Variants in EYA2 observed in about 807,000 individuals in gnomAD.
EYA2 encodes EYA transcriptional coactivator and phosphatase 2, also known as protein phosphatase EYA2.
In EYA2, 31 loss-of-function variants were observed where a neutral mutation model predicts 69.2. That is an observed-to-expected ratio of 0.45 (90% confidence interval 0.34 to 0.60). The LOEUF (loss-of-function observed/expected upper bound fraction) is 0.60. Among genes scored for constraint, EYA2 ranks in the 20% least tolerant of loss-of-function variants. EYA2 has a pLI of 0.02. For missense variants in EYA2, 622 were observed against 701.2 expected, an observed-to-expected ratio of 0.89 and a Z score of 1.28; for synonymous variants, 257 against 279.4, an observed-to-expected ratio of 0.92 and a Z score of 0.80.
chr20:47,058,182 C>T (rs1474439985), intron 5 of EYA2, among the ~76,000 whole-genome samples: 2 of 152,204 alleles, frequency 1.3e-5, no homozygotes, highest in South Asian at 2.1e-4. Flanking sequence ...CAGAAGACAA[C>T]AAGCCCAAGG....
At chr20:46,930,569 G>C (rs1421144269) in intron 1 of EYA2, among the ~76,000 whole-genome samples, 1 of 152,104 alleles carries the variant, frequency 6.6e-6, no homozygotes, top group Admixed American at 6.6e-5. Flanking sequence ...GCTATAGAAA[G>C]CACCAGAAGA....
chr20:46,956,724 G>C (rs1979146954), intron 1 of EYA2, among the ~76,000 whole-genome samples: 1 of 152,168 alleles, frequency 6.6e-6, no homozygotes, highest in Non-Finnish European at 1.5e-5. Context: ...TGGATTTGGT[G>C]GGCACATAAG....
chr20:47,059,926 A>G (rs929214674), intron 5 of EYA2, among the ~76,000 whole-genome samples: 4 of 152,334 alleles, frequency 2.6e-5, no homozygotes, highest in Middle Eastern at 6.8e-3. Flanking sequence ...GTCTTCCTAG[A>G]GCAGAGATCA....
chr20:47,123,055 C>T (rs1178151623), intron 9 of EYA2, among the ~76,000 whole-genome samples: 1 of 152,188 alleles, frequency 6.6e-6, no homozygotes, highest in African/African-American at 2.4e-5. Context: ...CAATAATACT[C>T]ACCTTATAGG....
At chr20:47,052,001 G>T (rs1195347503) in intron 5 of EYA2, among the ~76,000 whole-genome samples, 2 of 152,076 alleles carry the variant, frequency 1.3e-5, no homozygotes, top group Non-Finnish European at 2.9e-5. Flanking sequence ...AACGTTTGTT[G>T]TGTGCCAGGT....
rs78321870 is a variant in EYA2 at position 47,028,203 on chromosome 20, C to T, written c.415+11906C>T. Reference sequence around the variant, plus strand: ...ATGCAAGCCAGGAAGAAGACCTTCACCAGGAATCCAACCAGCTGGCACGTT... The same window carrying T: ...ATGCAAGCCAGGAAGAAGACCTTCATCAGGAATCCAACCAGCTGGCACGTT... On this transcript the variant is annotated intron_variant, in intron 5 of 15. Transcript: ENST00000327619. 1.7e-3 allele frequency among the ~76,000 whole-genome samples: 262 copies of T among 152,316 alleles called. 2 individuals carry two copies. Among genetic ancestry groups the T allele is most frequent in the African/African-American group, 6.1e-3 (252 of 41,564 alleles).
chr20:46,955,188 G>T (rs1372625992), intron 1 of EYA2, among the ~76,000 whole-genome samples: 1 of 150,008 alleles, frequency 6.7e-6, no homozygotes, highest in Non-Finnish European at 1.5e-5. Flanking sequence ...CCAGGCTGGA[G>T]TGCAATGGCG....
chr20:47,090,720 A>G lies in EYA2; in HGVS notation c.804+1339A>G, dbSNP rs1600702026. ...ATTTAACAAAAATCCCTAATACAAT[A>G]TAACTTTGTTAACTCTAATTCTTGT... On this transcript the variant is annotated intron_variant, in intron 8 of 15. Coordinates refer to ENST00000327619, the MANE Select transcript of EYA2 (RefSeq NM_005244.5). 2.0e-5 allele frequency among the ~76,000 whole-genome samples: 3 copies of G among 152,208 alleles called. No homozygotes were observed. The East Asian group carries it at 5.8e-4, about 29-fold the overall frequency.
At chr20:47,122,578 G>A (rs981024827) in intron 9 of EYA2, among the ~76,000 whole-genome samples, 4 of 151,984 alleles carry the variant, frequency 2.6e-5, no homozygotes, top group East Asian at 1.9e-4. Context: ...GATTACAGGC[G>A]TGTTTCTTAG....
intron 8 of EYA2, among the ~76,000 whole-genome samples, chr20:47,091,576 CAAA>C (rs11313572): frequency 0.052 from 4,355 of 83,152 alleles, 260 homozygotes; most frequent in African/African-American, 0.18. Context: ...CCATCTCTAC[CAAA>C]AAAAAAAAAA....
chr20:47,049,923 A>T (rs1301219462), intron 5 of EYA2, among the ~76,000 whole-genome samples: 6 of 145,758 alleles, frequency 4.1e-5, no homozygotes, highest in Admixed American at 6.9e-5. Flanking sequence ...GATGAATACT[A>T]GCTGGACATT....
chr20:47,056,605 A>G (rs6018247), intron 5 of EYA2, among the ~76,000 whole-genome samples: 3,349 of 152,236 alleles, frequency 0.022, 131 homozygotes, highest in African/African-American at 0.077. Flanking sequence ...TCCACTTTAC[A>G]GATGAGGAAA....
chr20:46,920,587 C>T (rs144339169), intron 1 of EYA2, among the ~76,000 whole-genome samples: 2 of 152,292 alleles, frequency 1.3e-5, no homozygotes, highest in Non-Finnish European at 2.9e-5. Flanking sequence ...TGAGAATCAT[C>T]AGACAACTTC....
intron 1 of EYA2, among the ~76,000 whole-genome samples, chr20:46,940,499 C>T (rs1349646535): frequency 2.0e-5 from 3 of 152,206 alleles, no homozygotes; most frequent in Non-Finnish European, 2.9e-5. Context: ...GCTTATAAAA[C>T]GTAAGTGATA....
chr20:46,972,002 C>A (rs1168148004), intron 1 of EYA2, among the ~76,000 whole-genome samples: 1 of 152,066 alleles, frequency 6.6e-6, no homozygotes, highest in Non-Finnish European at 1.5e-5. Context: ...AGATAGTGAT[C>A]AGAATTAAGA....
chr20:46,947,171 T>C (rs913897763), intron 1 of EYA2, among the ~76,000 whole-genome samples: 1 of 152,222 alleles, frequency 6.6e-6, no homozygotes, highest in African/African-American at 2.4e-5. Flanking sequence ...AAGCAGACTT[T>C]TTTTTGCATG....
At chr20:47,039,136 C>T (rs556493412) in intron 5 of EYA2, among the ~76,000 whole-genome samples, 22 of 128,250 alleles carry the variant, frequency 1.7e-4, no homozygotes, top group Admixed American at 1.1e-3. Context: ...CACACACGCG[C>T]GCACAATTCT....
intron 9 of EYA2, among the ~76,000 whole-genome samples, chr20:47,105,303 C>T (rs1256437166): frequency 6.6e-6 from 1 of 152,210 alleles, no homozygotes; most frequent in Non-Finnish European, 1.5e-5. Context: ...CCCATCTCCC[C>T]ATTTTCTACA....
intron 1 of EYA2, among the ~76,000 whole-genome samples, chr20:46,936,672 A>T (rs1371867683): frequency 6.6e-6 from 1 of 152,132 alleles, no homozygotes; most frequent in Admixed American, 6.5e-5. Flanking sequence ...GTGAAACGAC[A>T]TCAGACTCAA....
Sources: gnomAD v4.1 joint callset for allele counts (sites outside exome capture counted in the v4.1 genomes callset) on GRCh38, gnomAD v4.1.1 for gene constraint, MANE v1.5 for transcripts, NCBI Gene and HGNC (gene_info 2026-07-23, HGNC 2026-07-21) for gene names.